The following MAP3K13 variants were observed in gnomAD, a reference collection of about 807,000 sequenced individuals.
MAP3K13 encodes the protein leucine zipper-bearing kinase.
MAP3K13 carries 52 observed loss-of-function variants against 104.0 expected under a neutral mutation model. The ratio of observed to expected loss-of-function variants is 0.50; its 90% confidence interval spans 0.40 to 0.63. The LOEUF (loss-of-function observed/expected upper bound fraction) is 0.63. Ranked by LOEUF, MAP3K13 falls within the 20% of genes least tolerant of loss-of-function variation. MAP3K13 has a pLI of 0.00. For synonymous variants in MAP3K13, 394 were observed against 442.2 expected (o/e 0.89, Z 1.37); for missense variants, 914 against 1,218.5 (o/e 0.75, Z 3.72).
chr3:185,288,562 C>A (rs1307395230), intron 2 of MAP3K13, among the ~76,000 whole-genome samples: 3 of 139,138 alleles, frequency 2.2e-5, no homozygotes, highest in South Asian at 4.6e-4. Flanking sequence ...TCCAGAAAAC[C>A]AGATAGGAAG....
chr3:185,380,382 G>C (rs975783995), intron 1 of MAP3K13, among the ~76,000 whole-genome samples: 1 of 151,254 alleles, frequency 6.6e-6, no homozygotes, highest in Non-Finnish European at 1.5e-5. Flanking sequence ...ATGGTGTTGC[G>C]TGCCTGCAGT....
At position 185,473,617 on chromosome 3, in the gene MAP3K13, A is replaced by C. The variant is rs138443697; in HGVS notation, c.2286A>C (p.Ala762=). The part of the protein sequence containing the change: ...GRSPDLSKSP[A]HNPLLENAQS... ...GCCCTGACCTTTCCAAGTCACCAGC[A>C]CATAATCCTCTCTTGGAAAACGCCC... Residue 762 remains alanine (A), a synonymous_variant, in exon 11 of 14, where the codon GCA becomes GCC. Coordinates refer to ENST00000265026, the MANE Select transcript of MAP3K13 (RefSeq NM_004721.5). The surrounding 1 kb of genome is among the most constrained non-coding windows in gnomAD (Gnocchi z 4.9). 2.0e-5 allele frequency: 33 copies of C among 1,614,248 alleles called. No individual in the cohort carries two copies. The African/African-American group carries it at 3.3e-4, about 16-fold the overall frequency.
At position 185,426,053 on chromosome 3, in the gene MAP3K13, T is replaced by TCCTCTC. The variant is rs1029741032; in HGVS notation, c.-85-2426_-85-2421dup. On this transcript the variant is annotated intron_variant, in intron 1 of 13. Coordinates refer to ENST00000265026, the MANE Select transcript of MAP3K13 (RefSeq NM_004721.5). ...TAAGAATTCAGAGGAAAGGATATTT[T>TCCTCTC]CCTCTCCCTCTCCCTCTCCCTCTTC... is the stretch of plus-strand genomic sequence containing the variant. Among the ~76,000 whole-genome samples the TCCTCTC allele has an allele frequency of 1.3e-4, 19 of 149,540 alleles. No individual in the cohort carries two copies. In the South Asian group the frequency reaches 3.5e-3, roughly 28 times the overall value.
chr3:185,457,138 G>A (rs55983203), intron 7 of MAP3K13, among the ~76,000 whole-genome samples: 4 of 151,888 alleles, frequency 2.6e-5, no homozygotes, highest in Non-Finnish European at 4.4e-5. Context: ...AGTTGCCACA[G>A]TCGGGTTCCT....
At chr3:185,465,912 C>G (rs765635416) in intron 9 of MAP3K13, 49 bp downstream of exon 9, 1 of 1,286,620 alleles carries the variant, frequency 7.8e-7, no homozygotes, top group South Asian at 1.2e-5. Context: ...GTCTGTCAAT[C>G]AGCAGAAACA....
chr3:185,393,107 G>C (rs1464110525), intron 1 of MAP3K13, among the ~76,000 whole-genome samples: 1 of 152,046 alleles, frequency 6.6e-6, no homozygotes, highest in Non-Finnish European at 1.5e-5. Flanking sequence ...AATGACCTGT[G>C]CTAGAAGGGG....
intron 2 of MAP3K13, among the ~76,000 whole-genome samples, chr3:185,295,157 A>G (rs1720874552): frequency 6.6e-6 from 1 of 152,054 alleles, no homozygotes; most frequent in Non-Finnish European, 1.5e-5. Context: ...CAATTCTCTG[A>G]CAATGCCATT....
chr3:185,374,415 T>A (rs1037561915), intron 1 of MAP3K13, among the ~76,000 whole-genome samples: 3 of 151,752 alleles, frequency 2.0e-5, no homozygotes, highest in South Asian at 2.1e-4. Context: ...GAAGGAAGAT[T>A]TTGTGGTAAG....
At chr3:185,386,457 T>A (rs1711696084) in intron 1 of MAP3K13, among the ~76,000 whole-genome samples, 2 of 152,114 alleles carry the variant, frequency 1.3e-5, no homozygotes, top group Non-Finnish European at 2.9e-5. Context: ...TCTGATACTG[T>A]TGGTGGGAGT....
intron 2 of MAP3K13, among the ~76,000 whole-genome samples, chr3:185,325,840 G>A (rs1286993967): frequency 2.0e-5 from 3 of 152,196 alleles, no homozygotes; most frequent in African/African-American, 7.2e-5. Context: ...TTTGGTCCTT[G>A]ATCTCTGCTT....
At chr3:185,346,558 G>T (rs1001207730) in intron 2 of MAP3K13, among the ~76,000 whole-genome samples, 1 of 152,068 alleles carries the variant, frequency 6.6e-6, no homozygotes, top group Non-Finnish European at 1.5e-5. Flanking sequence ...ACCTTCCATT[G>T]TTAGGAGTAT....
At chr3:185,454,904 TATGA>T (rs1415844973) in intron 7 of MAP3K13, among the ~76,000 whole-genome samples, 143 of 92,960 alleles carry the variant, frequency 1.5e-3, no homozygotes, top group East Asian at 5.9e-3. Context: ...GAGATATATA[TATGA>T]TATATATATG....
At chr3:185,391,470 C>T (rs147492691) in intron 1 of MAP3K13, among the ~76,000 whole-genome samples, 1 of 152,160 alleles carries the variant, frequency 6.6e-6, no homozygotes, top group East Asian at 2.0e-4. Context: ...ACCGTAAACA[C>T]AGGACCTAAA....
At chr3:185,372,460 T>C (rs1724208086) in intron 1 of MAP3K13, among the ~76,000 whole-genome samples, 1 of 152,214 alleles carries the variant, frequency 6.6e-6, no homozygotes, top group Non-Finnish European at 1.5e-5. Flanking sequence ...AGAGACAGAC[T>C]AGACCAGGTT....
At chr3:185,320,226 G>A (rs568400583) in intron 2 of MAP3K13, among the ~76,000 whole-genome samples, 19 of 151,806 alleles carry the variant, frequency 1.3e-4, no homozygotes, top group East Asian at 1.2e-3. Flanking sequence ...GATTACAGGC[G>A]CCCGCCACCA....
At chr3:185,460,775 G>A (rs532764758) in intron 7 of MAP3K13, among the ~76,000 whole-genome samples, 1 of 152,202 alleles carries the variant, frequency 6.6e-6, no homozygotes, top group Non-Finnish European at 1.5e-5. Context: ...CTTCTTTTCT[G>A]GAAATCTACT....
intron 7 of MAP3K13, 97 bp downstream of exon 7, chr3:185,451,492 A>C: frequency 1.3e-6 from 1 of 764,982 alleles, no homozygotes; most frequent in South Asian, 1.5e-5. Flanking sequence ...GTTTGTTATA[A>C]TAGTTATATA....
intron 2 of MAP3K13, among the ~76,000 whole-genome samples, chr3:185,348,015 A>AAG (rs980875626): frequency 7.3e-5 from 11 of 150,690 alleles, no homozygotes; most frequent in African/African-American, 2.7e-4. Context: ...TCCGTCTCAA[A>AAG]AAAAAAAAAA....
chr3:185,415,375 C>G (rs1397489558), intron 1 of MAP3K13, among the ~76,000 whole-genome samples: 1 of 151,518 alleles, frequency 6.6e-6, no homozygotes, highest in African/African-American at 2.4e-5. Flanking sequence ...CCAGGCTGGT[C>G]TTGAACTCCT....
Sources: gnomAD v4.1 joint callset for allele counts (sites outside exome capture counted in the v4.1 genomes callset) on GRCh38, gnomAD v4.1.1 for gene constraint, Gnocchi (gnomAD v3.1) non-coding constraint, MANE v1.5 for transcripts, NCBI Gene and HGNC (gene_info 2026-07-23, HGNC 2026-07-21) for gene names.